Variants in GNAO1 observed in about 807,000 individuals in gnomAD.
GNAO1 encodes the protein guanine nucleotide-binding protein G(o) subunit alpha.
For synonymous variants in GNAO1, 164 were observed against 180.7 expected (o/e 0.91, Z 0.74); for missense variants, 166 against 478.7 (o/e 0.35, Z 6.10).
chr16:56,312,973 G>A (rs2037474685), intron 3 of GNAO1, among the ~76,000 whole-genome samples: 1 of 152,256 alleles, frequency 6.6e-6, no homozygotes, highest in South Asian at 2.1e-4. Context: ...AACAAAGAGA[G>A]CAAGGCCTCA....
intron 2 of GNAO1, among the ~76,000 whole-genome samples, chr16:56,257,355 G>A (rs2036861466): frequency 6.6e-6 from 1 of 152,170 alleles, no homozygotes; most frequent in Admixed American, 6.5e-5. Context: ...CTACTTGTTG[G>A]CTGAATGTCT....
chr16:56,345,979 C>G, intron 6 of GNAO1: 2 of 985,516 alleles, frequency 2.0e-6, no homozygotes, highest in African/African-American at 3.5e-5. Flanking sequence ...GCCAGAGCAC[C>G]AGGCTGGGTC....
At chr16:56,330,613 T>C (rs1297312945) in intron 4 of GNAO1, among the ~76,000 whole-genome samples, 1 of 152,226 alleles carries the variant, frequency 6.6e-6, no homozygotes, top group Non-Finnish European at 1.5e-5. Context: ...AACTTGATCC[T>C]CTGACTCAAA....
At chr16:56,287,416 G>A (rs1057286436) in intron 3 of GNAO1, among the ~76,000 whole-genome samples, 5 of 152,202 alleles carry the variant, frequency 3.3e-5, no homozygotes, top group Admixed American at 1.3e-4. Flanking sequence ...CTGACTGACT[G>A]ACCCTCAGGT....
chr16:56,201,821 A>G (rs2036284336), intron 2 of GNAO1, among the ~76,000 whole-genome samples: 1 of 152,164 alleles, frequency 6.6e-6, no homozygotes, highest in African/African-American at 2.4e-5. Context: ...AGGAAGAGAG[A>G]AGACTTGGGG....
At chr16:56,319,321 T>A (rs1424817256) in intron 3 of GNAO1, among the ~76,000 whole-genome samples, 5 of 152,084 alleles carry the variant, frequency 3.3e-5, no homozygotes, top group African/African-American at 9.7e-5. Flanking sequence ...CCCTGGGGTG[T>A]GGCACAGGAC....
chr16:56,209,567 A>G lies in GNAO1; in HGVS notation c.161+16951A>G, dbSNP rs540113383. Among the ~76,000 whole-genome samples, 118 of 152,336 alleles carry G rather than the reference A, an allele frequency of 7.7e-4. No homozygotes were observed. In the Middle Eastern group the frequency reaches 0.024, roughly 31 times the overall value. On this transcript the variant is annotated intron_variant, in intron 2 of 8. Transcript: ENST00000262493. ...GAATCCACTACTCTGAGTAGAATTG[A>G]CATCTCTAAATCTTGAGTCTTCCTG... is the stretch of plus-strand genomic sequence containing the variant.
intron 2 of GNAO1, among the ~76,000 whole-genome samples, chr16:56,245,273 C>T (rs1031939476): frequency 3.9e-5 from 6 of 152,284 alleles, no homozygotes; most frequent in Non-Finnish European, 8.8e-5. Flanking sequence ...AGCCCTGCTT[C>T]GGCTCTGTGC....
At chr16:56,348,203 T>G in intron 6 of GNAO1, 1 of 984,706 alleles carries the variant, frequency 1.0e-6, no homozygotes, top group Non-Finnish European at 1.2e-6. Context: ...TTTCCTAGCG[T>G]GAGTGTGATG....
At chr16:56,312,506 A>G (rs1271228500) in intron 3 of GNAO1, among the ~76,000 whole-genome samples, 1 of 152,150 alleles carries the variant, frequency 6.6e-6, no homozygotes, top group Non-Finnish European at 1.5e-5. Flanking sequence ...GGCTTGCTGT[A>G]TCCTTCTGGA....
intron 3 of GNAO1, among the ~76,000 whole-genome samples, chr16:56,316,469 G>T (rs1235647075): frequency 1.3e-5 from 2 of 152,160 alleles, no homozygotes; most frequent in Non-Finnish European, 2.9e-5. Flanking sequence ...ACCTTCTAGG[G>T]CTGCATGACC....
intron 3 of GNAO1, among the ~76,000 whole-genome samples, chr16:56,284,369 A>G (rs867027566): frequency 8.5e-5 from 13 of 152,284 alleles, no homozygotes; most frequent in Middle Eastern, 3.4e-3. Flanking sequence ...GTTTGAGGGA[A>G]GGCATCCACC....
chr16:56,296,365 A>G (rs553055372), intron 3 of GNAO1, among the ~76,000 whole-genome samples: 1 of 152,188 alleles, frequency 6.6e-6, no homozygotes, highest in South Asian at 2.1e-4. Flanking sequence ...ACGGGCTGGA[A>G]TTGAGCTCAG....
At chr16:56,241,680 G>A (rs1244403890) in intron 2 of GNAO1, among the ~76,000 whole-genome samples, 1 of 152,148 alleles carries the variant, frequency 6.6e-6, no homozygotes, top group African/African-American at 2.4e-5. Context: ...AATGGTATAG[G>A]CTATGGCCAA....
chr16:56,239,637 A>C (rs1324751924), intron 2 of GNAO1, among the ~76,000 whole-genome samples: 1 of 152,230 alleles, frequency 6.6e-6, no homozygotes. Context: ...TGCAGTGATG[A>C]GTTGTAGAAA....
intron 2 of GNAO1, among the ~76,000 whole-genome samples, chr16:56,215,267 T>C (rs1437239805): frequency 6.6e-6 from 1 of 152,202 alleles, no homozygotes; most frequent in Non-Finnish European, 1.5e-5. Flanking sequence ...ATTAAGAGTT[T>C]TTATATGCCC....
rs555233896 is a variant in GNAO1 at position 56,272,192 on chromosome 16, C to CCAG, written c.162-3737_162-3735dup. 2.4e-3 allele frequency among the ~76,000 whole-genome samples: 367 copies of CCAG among 152,196 alleles called. 4 individuals carry two copies. The highest frequency in any genetic ancestry group is 8.4e-3 in the African/African-American group (349 of 41,524). On this transcript the variant is annotated intron_variant, in intron 2 of 8. Coordinates refer to ENST00000262493, the MANE Select transcript of GNAO1 (RefSeq NM_020988.3). ...GGCATGGTGGCGGGCGCCTGTAGTCCCAGCTACTTGGGAGGCTGAGGCAGG... is the reference window on the plus strand; with the variant it reads ...GGCATGGTGGCGGGCGCCTGTAGTCCCAGCAGCTACTTGGGAGGCTGAGGCAGG...
intron 2 of GNAO1, chr16:56,235,172 G>A (rs1325912504): frequency 2.6e-6 from 1 of 381,014 alleles, no homozygotes; most frequent in East Asian, 7.2e-5. Flanking sequence ...CTCCCTTGAA[G>A]GCTGGTGATT....
intron 2 of GNAO1, among the ~76,000 whole-genome samples, chr16:56,249,389 G>A (rs2036778976): frequency 6.6e-6 from 1 of 152,122 alleles, no homozygotes; most frequent in South Asian, 2.1e-4. Context: ...TCAACACAGT[G>A]CTGCAGAACC....
Sources: allele counts gnomAD v4.1 joint callset (sites outside exome capture counted in the v4.1 genomes callset), GRCh38; gene constraint gnomAD v4.1.1; transcripts MANE v1.5; gene names NCBI Gene and HGNC (gene_info 2026-07-23, HGNC 2026-07-21).